Variants in SLC39A11 observed in about 807,000 individuals in gnomAD.
SLC39A11 encodes the protein solute carrier family 39 member 11, also known as zinc transporter ZIP11.
In SLC39A11, 33 loss-of-function variants were observed where a neutral mutation model predicts 36.1. The ratio of observed to expected loss-of-function variants is 0.91; its 90% CI spans 0.69 to 1.22. The LOEUF (loss-of-function observed/expected upper bound fraction) is 1.22, where lower values mean the gene tolerates loss of function less well. Ranked by LOEUF, SLC39A11 falls within the 50% of genes most tolerant of loss-of-function variation. SLC39A11 has a pLI of 0.00. For missense variants in SLC39A11, 432 were observed against 430.3 expected, an observed-to-expected ratio of 1.00 and a Z score of -0.03; for synonymous variants, 166 against 170.3, an observed-to-expected ratio of 0.97 and a Z score of 0.20.
At chr17:72,900,280 T>A (rs1047334987) in intron 5 of SLC39A11, among the ~76,000 whole-genome samples, 1 of 151,630 alleles carries the variant, frequency 6.6e-6, no homozygotes, top group Non-Finnish European at 1.5e-5. Context: ...GAGAAGGAGC[T>A]CACTTCCCAG....
chr17:72,873,070 GA>G (rs1401460217), intron 5 of SLC39A11, among the ~76,000 whole-genome samples: 3,960 of 135,156 alleles, frequency 0.029, 167 homozygotes, highest in African/African-American at 0.099. Context: ...AAAAAAAAAA[GA>G]AAAAAAAAAA....
chr17:72,758,605 T>C (rs1483503107), intron 6 of SLC39A11, among the ~76,000 whole-genome samples: 1 of 152,068 alleles, frequency 6.6e-6, no homozygotes, highest in African/African-American at 2.4e-5. Context: ...AAAAGGGAGA[T>C]CCTTTTCCTT....
chr17:72,891,148 G>A (rs907215637), intron 5 of SLC39A11, among the ~76,000 whole-genome samples: 1 of 152,086 alleles, frequency 6.6e-6, no homozygotes, highest in Admixed American at 6.6e-5. Context: ...AGACATATGA[G>A]GCTGGGCTCA....
At chr17:73,057,368 G>A (rs770086667) in intron 3 of SLC39A11, among the ~76,000 whole-genome samples, 6 of 152,134 alleles carry the variant, frequency 3.9e-5, no homozygotes, top group African/African-American at 1.2e-4. Context: ...GAAAGCTTAA[G>A]TGACTCATTG....
chr17:73,060,355 A>T (rs1190208969), intron 3 of SLC39A11, among the ~76,000 whole-genome samples: 2 of 151,936 alleles, frequency 1.3e-5, no homozygotes, highest in African/African-American at 4.8e-5. Flanking sequence ...TTTGTCCTTC[A>T]CGTTGTCTTT....
intron 3 of SLC39A11, among the ~76,000 whole-genome samples, chr17:73,041,295 G>A (rs956179954): frequency 2.6e-5 from 4 of 152,220 alleles, no homozygotes; most frequent in African/African-American, 9.7e-5. Context: ...GAAGCTTGAA[G>A]AGAGAAGCAG....
chr17:72,698,887 G>C (rs1286568021), intron 7 of SLC39A11, among the ~76,000 whole-genome samples: 3 of 152,148 alleles, frequency 2.0e-5, no homozygotes, highest in South Asian at 2.1e-4. Context: ...CTGGAGTGCA[G>C]TGGCGTGATC....
intron 4 of SLC39A11, among the ~76,000 whole-genome samples, chr17:73,018,442 G>C (rs1196881528): frequency 1.3e-5 from 2 of 152,084 alleles, no homozygotes; most frequent in Non-Finnish European, 2.9e-5. Context: ...CAGCTACTCA[G>C]AAAGCTGAGG....
intron 6 of SLC39A11, among the ~76,000 whole-genome samples, chr17:72,807,694 C>T (rs2077306167): frequency 6.6e-6 from 1 of 152,176 alleles, no homozygotes; most frequent in Non-Finnish European, 1.5e-5. Context: ...AATGGAAGCT[C>T]CATGCCTCTT....
At chr17:72,756,564 G>A (rs144448175) in intron 6 of SLC39A11, among the ~76,000 whole-genome samples, 7 of 152,328 alleles carry the variant, frequency 4.6e-5, no homozygotes, top group African/African-American at 7.2e-5. Context: ...TTCCACTTAC[G>A]TGAAGTACTT....
At chr17:72,878,611 C>G (rs1598243346) in intron 5 of SLC39A11, among the ~76,000 whole-genome samples, 1 of 152,320 alleles carries the variant, frequency 6.6e-6, no homozygotes, top group African/African-American at 2.4e-5. Context: ...ATCAACATCC[C>G]CTACACCCCC....
intron 6 of SLC39A11, among the ~76,000 whole-genome samples, chr17:72,754,366 C>T (rs1216980503): frequency 6.6e-6 from 1 of 151,880 alleles, no homozygotes; most frequent in Admixed American, 6.6e-5. Context: ...GTAGTGGGTG[C>T]CCAAAAAGCT....
chr17:72,869,198 A>G (rs2080477165), intron 5 of SLC39A11, among the ~76,000 whole-genome samples: 1 of 152,202 alleles, frequency 6.6e-6, no homozygotes, highest in African/African-American at 2.4e-5. Context: ...GGCACCAGTG[A>G]AAGTAACAAG....
intron 3 of SLC39A11, among the ~76,000 whole-genome samples, chr17:73,053,723 A>G (rs2059580954): frequency 6.6e-6 from 1 of 152,206 alleles, no homozygotes; most frequent in South Asian, 2.1e-4. Flanking sequence ...ATGTCCACTA[A>G]TAAAAAAGGG....
intron 7 of SLC39A11, among the ~76,000 whole-genome samples, chr17:72,719,059 C>T (rs2073533400): frequency 1.4e-5 from 2 of 147,548 alleles, no homozygotes; most frequent in African/African-American, 5.2e-5. Flanking sequence ...GGCAACATGG[C>T]AAAACCCCGA....
At chr17:72,810,549 T>C (rs1179001741) in intron 6 of SLC39A11, among the ~76,000 whole-genome samples, 1 of 152,230 alleles carries the variant, frequency 6.6e-6, no homozygotes, top group Non-Finnish European at 1.5e-5. Context: ...AACCTATCTA[T>C]GGTAAAAAGA....
chr17:72,958,027 G>A lies in SLC39A11; in HGVS notation c.307-10152C>T, dbSNP rs182801888. ...AACAACAAAAATAGACACATAGACC[G>A]ATGGAACAGAATAGAAACCCCAGAA... On this transcript the variant is annotated intron_variant, in intron 4 of 9. Transcript: ENST00000255559. 4.6e-5 allele frequency among the ~76,000 whole-genome samples: 7 copies of A among 152,220 alleles called. No individual in the cohort carries two copies. In the East Asian group the frequency reaches 9.6e-4, roughly 21 times the overall value.
chr17:72,715,883 G>C (rs544826570), intron 7 of SLC39A11, among the ~76,000 whole-genome samples: 3 of 152,090 alleles, frequency 2.0e-5, no homozygotes, highest in East Asian at 3.9e-4. Context: ...TTTGAGTAGA[G>C]ACGTGGTTTC....
At chr17:72,973,501 T>G (rs1196987138) in intron 4 of SLC39A11, among the ~76,000 whole-genome samples, 1 of 152,162 alleles carries the variant, frequency 6.6e-6, no homozygotes, top group Non-Finnish European at 1.5e-5. Flanking sequence ...GAATTATAGG[T>G]AGGCACATTG....
Sources: gnomAD v4.1 joint callset for allele counts (sites outside exome capture counted in the v4.1 genomes callset) on GRCh38, gnomAD v4.1.1 for gene constraint, MANE v1.5 for transcripts, NCBI Gene and HGNC (gene_info 2026-07-23, HGNC 2026-07-21) for gene names.